CRPPA: variants seen among roughly 807,000 people sequenced by gnomAD.
The protein encoded by CRPPA is D-ribitol-5-phosphate cytidylyltransferase.
In CRPPA, 43 loss-of-function variants were observed where a neutral mutation model predicts 52.0. That is an observed-to-expected ratio of 0.83 (90% CI 0.65 to 1.07). The LOEUF (loss-of-function observed/expected upper bound fraction) is 1.07. Ranked by LOEUF, CRPPA falls within the 50% of genes least tolerant of loss-of-function variation. CRPPA has a pLI of 0.00. For synonymous variants in CRPPA, 250 were observed against 203.5 expected (o/e 1.23, Z -1.94); for missense variants, 629 against 551.7 (o/e 1.14, Z -1.40).
chr7:16,328,638 C>T lies in CRPPA; in HGVS notation c.685-20011G>A, dbSNP rs1288210197. On this transcript the variant is annotated intron_variant, in intron 3 of 9. Transcript: ENST00000407010. ...CAAGCGATTCTCCTGCCTCAGCCTC[C>T]CAAGTAGCTGGGATTACAGGCACAT... 2.0e-5 allele frequency among the ~76,000 whole-genome samples: 3 copies of T among 152,220 alleles called. No individual in the cohort carries two copies. In the East Asian group the frequency reaches 5.8e-4, roughly 29 times the overall value.
chr7:16,324,748 G>A (rs1346191021), intron 3 of CRPPA, among the ~76,000 whole-genome samples: 1 of 152,194 alleles, frequency 6.6e-6, no homozygotes, highest in African/African-American at 2.4e-5. Flanking sequence ...AAAATGAGAT[G>A]AAACCAGAAT....
intron 9 of CRPPA, among the ~76,000 whole-genome samples, chr7:16,201,876 C>T (rs528842808): frequency 6.6e-6 from 1 of 152,260 alleles, no homozygotes; most frequent in East Asian, 1.9e-4. Context: ...ACTTCTCTTT[C>T]ATCTGACTGT....
At chr7:16,178,736 A>G (rs2128387048) in intron 9 of CRPPA, among the ~76,000 whole-genome samples, 1 of 152,262 alleles carries the variant, frequency 6.6e-6, no homozygotes, top group Admixed American at 6.5e-5. Flanking sequence ...ATGAATGTAT[A>G]GAAGATACAT....
intron 5 of CRPPA, among the ~76,000 whole-genome samples, chr7:16,287,922 G>A (rs1405346151): frequency 8.2e-6 from 1 of 121,520 alleles, no homozygotes. Flanking sequence ...AGGAAGGAAG[G>A]AAGGGAGGGA....
At chr7:16,340,194 G>T (rs1785786367) in intron 3 of CRPPA, among the ~76,000 whole-genome samples, 1 of 151,996 alleles carries the variant, frequency 6.6e-6, no homozygotes, top group South Asian at 2.1e-4. Flanking sequence ...CTTAGGTATG[G>T]CTATAACTTT....
intron 5 of CRPPA, among the ~76,000 whole-genome samples, chr7:16,286,846 C>T (rs1259912126): frequency 6.6e-6 from 1 of 152,060 alleles, no homozygotes; most frequent in African/African-American, 2.4e-5. Context: ...TCTAAGTATT[C>T]CTGAGGAAAG....
intron 2 of CRPPA, among the ~76,000 whole-genome samples, chr7:16,395,367 C>A (rs1389590312): frequency 6.6e-6 from 1 of 152,196 alleles, no homozygotes; most frequent in African/African-American, 2.4e-5. Flanking sequence ...CCTCAGGCAA[C>A]TGCATTCTAG....
chr7:16,313,131 AC>A (rs1160473654), intron 3 of CRPPA, among the ~76,000 whole-genome samples: 17 of 151,938 alleles, frequency 1.1e-4, no homozygotes, highest in Non-Finnish European at 1.8e-4. Flanking sequence ...TTCTGGAAAA[AC>A]TATAGAGTTA....
chr7:16,317,636 C>T (rs961924950), intron 3 of CRPPA, among the ~76,000 whole-genome samples: 1 of 152,146 alleles, frequency 6.6e-6, no homozygotes. Flanking sequence ...CATGTGATCA[C>T]ATTCTATCTA....
intron 5 of CRPPA, among the ~76,000 whole-genome samples, chr7:16,285,101 T>C (rs922852277): frequency 6.6e-6 from 1 of 152,154 alleles, no homozygotes; most frequent in African/African-American, 2.4e-5. Context: ...ACAACTACCT[T>C]GAGGTTAATG....
rs561382283 is a variant in CRPPA at position 16,381,784 on chromosome 7, G to C, written c.535-5543C>G. ...CTCTTTCGATCTTTGTTGGTTTAAA[G>C]TCTGTTTTATCAGAGACTAGGATTG... is the stretch of plus-strand genomic sequence containing the variant. On this transcript the variant is annotated intron_variant, in intron 2 of 9. Transcript: ENST00000407010. Among the ~76,000 whole-genome samples, 9 of 151,888 alleles carry C rather than the reference G, an allele frequency of 5.9e-5. No homozygotes were observed. In the East Asian group the frequency reaches 1.7e-3, roughly 29 times the overall value.
At chr7:16,407,692 C>A (rs928061653) in intron 1 of CRPPA, among the ~76,000 whole-genome samples, 8 of 152,208 alleles carry the variant, frequency 5.3e-5, no homozygotes, top group African/African-American at 1.4e-4. Context: ...CAACCAAAAA[C>A]CCCATTCTGC....
chr7:16,234,515 C>T (rs1023779417), intron 8 of CRPPA, among the ~76,000 whole-genome samples: 2 of 152,044 alleles, frequency 1.3e-5, no homozygotes, highest in African/African-American at 2.4e-5. Flanking sequence ...TAGTAAAATG[C>T]ATGAAGTTTA....
chr7:16,352,204 G>A lies in CRPPA; in HGVS notation c.684+23888C>T, dbSNP rs370344117. On this transcript the variant is annotated intron_variant, in intron 3 of 9. Coordinates refer to ENST00000407010, the MANE Select transcript of CRPPA (RefSeq NM_001101426.4). ...CACATGTTCTCAATCATAAGTGGGA[G>A]TTGAACAATGAGAACACATGGACAC... is the stretch of plus-strand genomic sequence containing the variant. Among the ~76,000 whole-genome samples the A allele has an allele frequency of 5.9e-5, 9 of 151,856 alleles. No homozygotes were observed. The South Asian group carries it at 1.9e-3, about 32-fold the overall frequency.
At chr7:16,194,199 G>A (rs1251272121) in intron 9 of CRPPA, among the ~76,000 whole-genome samples, 2 of 152,108 alleles carry the variant, frequency 1.3e-5, no homozygotes, top group Admixed American at 1.3e-4. Flanking sequence ...AGTCCATATT[G>A]TGGGCAGGGG....
intron 2 of CRPPA, among the ~76,000 whole-genome samples, chr7:16,384,438 C>T (rs942553817): frequency 6.6e-6 from 1 of 152,172 alleles, no homozygotes; most frequent in East Asian, 1.9e-4. Flanking sequence ...TAGGAACAAA[C>T]CTCAAAAACT....
At chr7:16,294,748 T>C (rs945090491) in intron 5 of CRPPA, among the ~76,000 whole-genome samples, 1 of 151,990 alleles carries the variant, frequency 6.6e-6, no homozygotes, top group African/African-American at 2.4e-5. Flanking sequence ...CACTTTGCAT[T>C]GTCCAAAACA....
At chr7:16,190,039 ACT>A (rs1451100177) in intron 9 of CRPPA, among the ~76,000 whole-genome samples, 1 of 152,160 alleles carries the variant, frequency 6.6e-6, no homozygotes, top group Non-Finnish European at 1.5e-5. Flanking sequence ...TCATACAATA[ACT>A]CTTTGGTTCA....
intron 2 of CRPPA, among the ~76,000 whole-genome samples, chr7:16,396,969 A>G (rs1787595176): frequency 6.6e-6 from 1 of 152,256 alleles, no homozygotes; most frequent in East Asian, 1.9e-4. Flanking sequence ...GACACGTGTG[A>G]CACTGGTGAC....
Sources: allele counts gnomAD v4.1 joint callset (sites outside exome capture counted in the v4.1 genomes callset), GRCh38; gene constraint gnomAD v4.1.1; transcripts MANE v1.5; gene names NCBI Gene and HGNC (gene_info 2026-07-23, HGNC 2026-07-21).